Variants in ITGA9 observed in about 807,000 individuals in gnomAD.
ITGA9 encodes integrin subunit alpha 9, also known as integrin alpha-9.
In ITGA9, 56 loss-of-function variants were observed where a neutral mutation model predicts 127.8. The ratio of observed to expected loss-of-function variants is 0.44; its 90% CI spans 0.35 to 0.55. The LOEUF (loss-of-function observed/expected upper bound fraction) is 0.55, where lower values mean the gene tolerates loss of function less well. Ranked by LOEUF, ITGA9 falls within the 20% of genes least tolerant of loss-of-function variation. The pLI is 0.00. For missense variants in ITGA9, 1,196 were observed against 1,347.1 expected (o/e 0.89, Z 1.76); for synonymous variants, 508 against 514.5 (o/e 0.99, Z 0.17).
chr3:37,718,211 A>C (rs1052008877), intron 18 of ITGA9, among the ~76,000 whole-genome samples: 2 of 152,272 alleles, frequency 1.3e-5, no homozygotes, highest in African/African-American at 4.8e-5. Context: ...CGTGTCTCAC[A>C]CATGAGAATT....
chr3:37,762,381 A>G (rs1448541297), intron 23 of ITGA9, among the ~76,000 whole-genome samples: 1 of 152,254 alleles, frequency 6.6e-6, no homozygotes, highest in Non-Finnish European at 1.5e-5. Flanking sequence ...TATAGAAAGA[A>G]TGCAGGCTCA....
At chr3:37,754,395 A>G (rs1696625845) in intron 23 of ITGA9, among the ~76,000 whole-genome samples, 2 of 152,356 alleles carry the variant, frequency 1.3e-5, no homozygotes, top group South Asian at 2.1e-4. Context: ...ATGATAGCTA[A>G]CAGGGAGTGA....
intron 7 of ITGA9, among the ~76,000 whole-genome samples, chr3:37,507,024 A>G (rs1164982500): frequency 6.6e-6 from 1 of 152,174 alleles, no homozygotes; most frequent in African/African-American, 2.4e-5. Context: ...AGGCTTGACT[A>G]AGGATAATTT....
rs111818215 is a variant in ITGA9 at position 37,760,320 on chromosome 3, C to A, written c.2541+9751C>A. Among the ~76,000 whole-genome samples the A allele has an allele frequency of 1.9e-3, 290 of 151,360 alleles. 1 individual carries two copies. Among genetic ancestry groups the A allele is most frequent in the African/African-American group, 6.6e-3 (272 of 41,336 alleles). On this transcript the variant is annotated intron_variant, in intron 23 of 27. Transcript: ENST00000264741. ...TGAAATGAACAATTCATTAGAGGGG[C>A]TCAATAGCATATTTGAGCTGACACA...
intron 26 of ITGA9, among the ~76,000 whole-genome samples, chr3:37,794,289 G>C (rs965238425): frequency 1.7e-4 from 26 of 152,336 alleles, no homozygotes; most frequent in African/African-American, 6.3e-4. Flanking sequence ...AGCTCTGCCT[G>C]TTGGCGAGCC....
At chr3:37,705,638 C>T (rs1278935354) in intron 18 of ITGA9, among the ~76,000 whole-genome samples, 1 of 152,226 alleles carries the variant, frequency 6.6e-6, no homozygotes, top group African/African-American at 2.4e-5. Flanking sequence ...AAATGCTCTA[C>T]CTGCTTTCTG....
rs115347593 is a variant in ITGA9, at chr3:37,609,859, C to G, written c.1690-19328C>G. 5.2e-3 allele frequency among the ~76,000 whole-genome samples: 799 copies of G among 152,336 alleles called. 4 individuals are homozygous for G. The highest frequency in any genetic ancestry group is 0.018 in the African/African-American group (751 of 41,564). On this transcript the variant is annotated intron_variant, in intron 15 of 27. Coordinates refer to ENST00000264741, the MANE Select transcript of ITGA9 (RefSeq NM_002207.3). ...AGCTGGGCCTGAGACCCCCAGCATT[C>G]TCTTCAAGGTTGGGGAATTGGACCC... is the stretch of plus-strand genomic sequence containing the variant.
chr3:37,473,724 T>TTGTG (rs74279281), intron 3 of ITGA9, among the ~76,000 whole-genome samples: 7 of 152,054 alleles, frequency 4.6e-5, no homozygotes, highest in Non-Finnish European at 7.4e-5. Context: ...ACATAGGTAT[T>TTGTG]TGTGTGTGTG....
chr3:37,606,666 A>T (rs1351246476), intron 15 of ITGA9, among the ~76,000 whole-genome samples: 2 of 152,062 alleles, frequency 1.3e-5, no homozygotes, highest in African/African-American at 4.8e-5. Flanking sequence ...CCATCTCAGC[A>T]TTTCACCGCT....
intron 15 of ITGA9, among the ~76,000 whole-genome samples, chr3:37,561,811 C>T (rs911073048): frequency 7.9e-5 from 12 of 152,106 alleles, no homozygotes; most frequent in Non-Finnish European, 1.6e-4. Flanking sequence ...GAGAGGTGGC[C>T]CACAGTTCAT....
intron 16 of ITGA9, among the ~76,000 whole-genome samples, chr3:37,638,834 G>A (rs1035271457): frequency 2.0e-5 from 3 of 152,218 alleles, no homozygotes; most frequent in Non-Finnish European, 2.9e-5. Flanking sequence ...CATGGAGATA[G>A]TGACCAGTAC....
chr3:37,625,693 C>T (rs187295860), intron 15 of ITGA9, among the ~76,000 whole-genome samples: 32 of 152,302 alleles, frequency 2.1e-4, no homozygotes, highest in Non-Finnish European at 3.7e-4. Context: ...AGTTTCTCTG[C>T]TTAATTGCAG....
intron 15 of ITGA9, among the ~76,000 whole-genome samples, chr3:37,557,088 G>A (rs775632783): frequency 1.3e-5 from 2 of 152,202 alleles, no homozygotes; most frequent in Non-Finnish European, 2.9e-5. Context: ...ACACAGCTAT[G>A]TCAGAAATCT....
chr3:37,619,020 G>A (rs1700102482), intron 15 of ITGA9, among the ~76,000 whole-genome samples: 1 of 152,180 alleles, frequency 6.6e-6, no homozygotes, highest in African/African-American at 2.4e-5. Context: ...TACCTCAGTT[G>A]GAAATGCAGA....
intron 5 of ITGA9, among the ~76,000 whole-genome samples, chr3:37,495,846 T>A (rs1293440054): frequency 6.6e-6 from 1 of 152,244 alleles, no homozygotes; most frequent in African/African-American, 2.4e-5. Context: ...CTGTGAAGTG[T>A]GCTTTCTGCA....
chr3:37,722,593 T>C (rs1425795095), intron 18 of ITGA9, among the ~76,000 whole-genome samples: 1 of 152,270 alleles, frequency 6.6e-6, no homozygotes, highest in Non-Finnish European at 1.5e-5. Context: ...TGTGACTGGC[T>C]TCTGTCACTT....
At chr3:37,616,281 G>T (rs1700073648) in intron 15 of ITGA9, among the ~76,000 whole-genome samples, 1 of 152,206 alleles carries the variant, frequency 6.6e-6, no homozygotes, top group Non-Finnish European at 1.5e-5. Flanking sequence ...GGTTTTGAGT[G>T]AATTTCTTAA....
At chr3:37,805,593 G>T (rs564252493) in intron 27 of ITGA9, among the ~76,000 whole-genome samples, 1 of 152,072 alleles carries the variant, frequency 6.6e-6, no homozygotes, top group Non-Finnish European at 1.5e-5. Flanking sequence ...TCATTATGTC[G>T]TTAGGTTGAA....
At chr3:37,493,458 T>G (rs1190199215) in intron 4 of ITGA9, among the ~76,000 whole-genome samples, 1 of 152,242 alleles carries the variant, frequency 6.6e-6, no homozygotes, top group African/African-American at 2.4e-5. Flanking sequence ...AATGTCAGCC[T>G]CACATGTGAT....
Sources: allele counts gnomAD v4.1 joint callset (sites outside exome capture counted in the v4.1 genomes callset), GRCh38; gene constraint gnomAD v4.1.1; transcripts MANE v1.5; gene names NCBI Gene and HGNC (gene_info 2026-07-23, HGNC 2026-07-21).